Variants in TTC21B observed in about 807,000 individuals in gnomAD.
TTC21B encodes tetratricopeptide repeat protein 21B.
Under a neutral mutation model 175.1 loss-of-function variants are expected in TTC21B, and 127 were observed. The ratio of observed to expected loss-of-function variants is 0.73; its 90% CI spans 0.63 to 0.84. TTC21B has a LOEUF of 0.84. TTC21B is among the 40% of genes least tolerant of loss of function. The pLI, the probability that TTC21B is intolerant of heterozygous loss-of-function variation, is 0.00. For synonymous variants in TTC21B, 524 were observed against 524.5 expected, an observed-to-expected ratio of 1.00 and a Z score of 0.01; for missense variants, 1,561 against 1,558.3, an observed-to-expected ratio of 1.00 and a Z score of -0.03.
chr2:165,905,329 C>A (rs865841611), intron 19 of TTC21B, among the ~76,000 whole-genome samples: 1 of 151,666 alleles, frequency 6.6e-6, no homozygotes. Flanking sequence ...AATCCAAATG[C>A]AAATATAATT....
At position 165,883,955 on chromosome 2, in the gene TTC21B, G is replaced by A. The variant is rs1171958169; in HGVS notation, c.3523C>T (p.Arg1175Ter). ...TAYMILKQTP[R>*]ARNQLKRIAK... ...ATACGCTTCAGCTGGTTTCTGGCTC[G>A]TGGAGTCTGTTTCAAGATCATATAA... Residue 1175 changes from arginine to a stop codon, truncating the protein, a stop_gained, in exon 26 of 29, where the codon CGA becomes TGA. Coordinates refer to ENST00000243344, the MANE Select transcript of TTC21B (RefSeq NM_024753.5). LOFTEE classifies it high-confidence loss of function. 3 of 1,614,024 alleles carry A rather than the reference G, an allele frequency of 1.9e-6. No individual in the cohort carries two copies. The highest frequency in any genetic ancestry group is 2.2e-5 in the East Asian group (1 of 44,864).
chr2:165,944,133 T>A (rs1035777988), intron 4 of TTC21B, among the ~76,000 whole-genome samples: 1 of 152,162 alleles, frequency 6.6e-6, no homozygotes, highest in Non-Finnish European at 1.5e-5. Flanking sequence ...CATCATTGAA[T>A]GGTTTTAACT....
intron 6 of TTC21B, among the ~76,000 whole-genome samples, chr2:165,937,170 G>A (rs1574131960): frequency 6.6e-6 from 1 of 151,942 alleles, no homozygotes; most frequent in Non-Finnish European, 1.5e-5. Flanking sequence ...AATACTAAAT[G>A]AAAGAAGCCA....
rs568832147 is a variant in TTC21B at position 165,945,400 on chromosome 2, C to G, written c.429+124G>C. On this transcript the variant is annotated intron_variant, in intron 4 of 28. Transcript: ENST00000243344. ...TAACCATAAATGGGTTAAAATAAAGCTGTTATTTACAAACTGGCAATAGAG... is the reference window on the plus strand; with the variant it reads ...TAACCATAAATGGGTTAAAATAAAGGTGTTATTTACAAACTGGCAATAGAG... 100 of 863,616 alleles carry G rather than the reference C, an allele frequency of 1.2e-4. 1 individual carries two copies. The highest frequency in any genetic ancestry group is 3.4e-4 in the Middle Eastern group (1 of 2,974). 53.5% of individuals were successfully genotyped at this position (863,616 alleles called of 1,614,324 possible).
At chr2:165,917,131 G>A (rs1215585813) in intron 14 of TTC21B, 126 bp downstream of exon 14, 7 of 845,234 alleles carry the variant, frequency 8.3e-6, no homozygotes, top group South Asian at 2.9e-5. Context: ...CATCTGCCTC[G>A]GCCTCCCAAA....
At chr2:165,932,364 A>G (rs1686942470) in intron 7 of TTC21B, among the ~76,000 whole-genome samples, 1 of 152,174 alleles carries the variant, frequency 6.6e-6, no homozygotes, top group South Asian at 2.1e-4. Flanking sequence ...CCTAGCATTT[A>G]CTGAAGTATC....
chr2:165,880,782 A>G lies in TTC21B; in HGVS notation c.3702T>C (p.Tyr1234=), dbSNP rs376746146. ...TTTCCATAATGTATCCCATATATTC[A>G]TAAGCTTTGCAGCAAGACTGAAGAA... The part of the protein sequence containing the change: ...LRHNRSCCKA[Y]EYMGYIMEKE... The change falls in exon 27 of 29, where the codon TAT becomes TAC. Residue 1234 remains tyrosine, a synonymous_variant. Transcript: ENST00000243344. 22 of 1,612,654 alleles carry G rather than the reference A, an allele frequency of 1.4e-5. No individual in the cohort carries two copies. Among genetic ancestry groups the G allele is most frequent in the Admixed American group, 5.0e-5 (3 of 59,978 alleles).
At chr2:165,902,211 G>C (rs1685592302) in intron 19 of TTC21B, among the ~76,000 whole-genome samples, 1 of 152,180 alleles carries the variant, frequency 6.6e-6, no homozygotes, top group Non-Finnish European at 1.5e-5. Context: ...AATACAAAGA[G>C]GTGGGGCCTT....
At chr2:165,913,520 A>G in intron 16 of TTC21B, 54 bp downstream of exon 16, 1 of 1,088,540 alleles carries the variant, frequency 9.2e-7, no homozygotes, top group Non-Finnish European at 1.4e-6. Flanking sequence ...AGGAAGTTGT[A>G]CTCATCACAA....
Position 165,890,851 on chromosome 2 carries a change from C to T in TTC21B, c.3088G>A (p.Gly1030Arg). The change falls in exon 23 of 29, where the codon GGA becomes AGA. Residue 1030 changes from glycine (G) to arginine (R), a missense_variant. Gly to Arg is a moderately radical substitution (Grantham distance 125). Coordinates refer to ENST00000243344, the MANE Select transcript of TTC21B (RefSeq NM_024753.5). ...KLEPGFQYCKGLYLWYTGEPN... is the reference protein window; with the variant it reads ...KLEPGFQYCKRLYLWYTGEPN... Reference sequence around the variant, plus strand: ...AAATAGATTTACCAAAGATACAGTCCTTTACAATACTGAAATCCTGGTTCC... The same window carrying T: ...AAATAGATTTACCAAAGATACAGTCTTTTACAATACTGAAATCCTGGTTCC... The T allele has an allele frequency of 1.2e-6, 2 of 1,613,110 alleles. No homozygotes were observed. Among genetic ancestry groups the T allele is most frequent in the Non-Finnish European group, 1.7e-6 (2 of 1,179,554 alleles).
chr2:165,922,772 T>C (rs1003329560), intron 12 of TTC21B, among the ~76,000 whole-genome samples: 3 of 151,982 alleles, frequency 2.0e-5, no homozygotes, highest in African/African-American at 7.3e-5. Context: ...TATCAAAAAG[T>C]CACCTGCATG....
chr2:165,885,784 A>C (rs1200361422), intron 25 of TTC21B, among the ~76,000 whole-genome samples: 1 of 152,176 alleles, frequency 6.6e-6, no homozygotes, highest in African/African-American at 2.4e-5. Context: ...CTAAAAGCAA[A>C]CCTGAGTTCT....
intron 21 of TTC21B, among the ~76,000 whole-genome samples, chr2:165,899,230 A>G (rs984438743): frequency 2.0e-5 from 3 of 152,220 alleles, no homozygotes; most frequent in Non-Finnish European, 4.4e-5. Context: ...CAGATTTCAT[A>G]TATTTCTTTT....
chr2:165,922,721 TC>T (rs1686462318), intron 12 of TTC21B, among the ~76,000 whole-genome samples: 1 of 151,972 alleles, frequency 6.6e-6, no homozygotes, highest in African/African-American at 2.4e-5. Flanking sequence ...AATCCAGAAA[TC>T]CCACTACTAG....
chr2:165,942,576 C>A (rs942514177), intron 5 of TTC21B, among the ~76,000 whole-genome samples: 7 of 152,172 alleles, frequency 4.6e-5, no homozygotes, highest in Non-Finnish European at 7.4e-5. Context: ...GCCTTCACTT[C>A]TGTTCTCTTT....
At chr2:165,917,174 T>C (rs923070427) in intron 14 of TTC21B, 83 bp downstream of exon 14, 26 of 1,339,152 alleles carry the variant, frequency 1.9e-5, no homozygotes, top group Admixed American at 1.2e-4. Flanking sequence ...CCACCATGCC[T>C]GGGCAGCTTT....
intron 3 of TTC21B, chr2:165,947,828 T>G (rs937833488): frequency 1.3e-5 from 2 of 152,236 alleles, no homozygotes; most frequent in East Asian, 3.8e-4. Context: ...TCATCCTTGG[T>G]GCAAAGCAGA....
At chr2:165,941,277 C>T (rs1687358465) in intron 5 of TTC21B, 93 bp from the exon 6 acceptor site, 2 of 1,410,188 alleles carry the variant, frequency 1.4e-6, no homozygotes, top group Non-Finnish European at 2.0e-6. Context: ...GCGTTTAATA[C>T]TTACTTTTCT....
intron 22 of TTC21B, among the ~76,000 whole-genome samples, chr2:165,891,203 T>C (rs1461090991): frequency 6.6e-6 from 1 of 152,120 alleles, no homozygotes; most frequent in Non-Finnish European, 1.5e-5. Context: ...TCACAGTGTC[T>C]ACATAGGCAA....
Sources: allele counts gnomAD v4.1 joint callset (sites outside exome capture counted in the v4.1 genomes callset), GRCh38; gene constraint gnomAD v4.1.1; transcripts MANE v1.5; gene names NCBI Gene and HGNC (gene_info 2026-07-23, HGNC 2026-07-21).